Variants in PCDHGA3 observed in about 807,000 individuals in gnomAD.
The protein encoded by PCDHGA3 is protocadherin gamma subfamily A, 3.
PCDHGA3 carries 40 observed loss-of-function variants against 58.5 expected under a neutral mutation model. The ratio of observed to expected loss-of-function variants is 0.68; its 90% confidence interval spans 0.53 to 0.89. The LOEUF is 0.89. Among genes scored for constraint, PCDHGA3 ranks in the 40% least tolerant of loss-of-function variants. The pLI is 0.00. For synonymous variants in PCDHGA3, 530 were observed against 525.7 expected (o/e 1.01, Z -0.11); for missense variants, 1,223 against 1,195.9 (o/e 1.02, Z -0.33).
intron 1 of PCDHGA3, chr5:141,394,953 C>T (rs749925118): frequency 6.2e-7 from 1 of 1,613,886 alleles, no homozygotes; most frequent in Non-Finnish European, 8.5e-7. Context: ...GCTTCTGGGG[C>T]TCAGGCTGAG....
At position 141,485,257 on chromosome 5, in the gene PCDHGA3, T is replaced by G. The variant is rs1251686604; in HGVS notation, c.2425-9550T>G. 1.9e-6 allele frequency: 3 copies of G among 1,614,036 alleles called. No homozygotes were observed. The highest frequency in any genetic ancestry group is 2.5e-6 in the Non-Finnish European group (3 of 1,180,006). ...TCTTTTACCACCTGGGTTACGTTTG[T>G]GGGCAGATCCGCTACCCGGTCCCAG... On this transcript the variant is annotated intron_variant, in intron 1 of 3. Coordinates refer to ENST00000253812, the MANE Select transcript of PCDHGA3 (RefSeq NM_018916.4). The surrounding 1 kb of genome is among the most constrained non-coding windows in gnomAD (Gnocchi z 5.7).
At chr5:141,423,460 G>A in intron 1 of PCDHGA3, 1 of 1,614,046 alleles carries the variant, frequency 6.2e-7, no homozygotes, top group Non-Finnish European at 8.5e-7. Context: ...TGTAGGCGTG[G>A]ACGGGGTACA....
At chr5:141,451,597 C>CAAGG (rs1434393705) in intron 1 of PCDHGA3, among the ~76,000 whole-genome samples, 3 of 152,076 alleles carry the variant, frequency 2.0e-5, no homozygotes, top group Non-Finnish European at 2.9e-5. Flanking sequence ...AAGTGACATA[C>CAAGG]AAGGCTAGGC....
At chr5:141,500,488 C>T (rs569168291) in intron 2 of PCDHGA3, among the ~76,000 whole-genome samples, 4 of 152,178 alleles carry the variant, frequency 2.6e-5, no homozygotes, top group South Asian at 2.1e-4. Flanking sequence ...GGATTACAGG[C>T]GTGAGCCACC....
chr5:141,362,652 A>G, intron 1 of PCDHGA3: 1 of 1,421,164 alleles, frequency 7.0e-7, no homozygotes. Flanking sequence ...TGTGAGTTAG[A>G]TTTGGCCAAT....
chr5:141,361,947 G>A (rs1762247949), intron 1 of PCDHGA3: 7 of 1,604,064 alleles, frequency 4.4e-6, no homozygotes, highest in Non-Finnish European at 5.9e-6. Context: ...ACGCTTGGCT[G>A]TCCTACCACG....
At chr5:141,414,763 C>G in intron 1 of PCDHGA3, 1 of 1,614,258 alleles carries the variant, frequency 6.2e-7, no homozygotes, top group South Asian at 1.1e-5. Flanking sequence ...TGAGCAGTTT[C>G]ATGAGCTACA....
chr5:141,497,111 G>A (rs899232924), intron 2 of PCDHGA3, among the ~76,000 whole-genome samples: 16 of 152,010 alleles, frequency 1.1e-4, no homozygotes, highest in Non-Finnish European at 1.2e-4. Context: ...GCTTGAACCC[G>A]GAAGGCAGAG....
intron 1 of PCDHGA3, chr5:141,365,072 A>G: frequency 6.2e-7 from 1 of 1,613,904 alleles, no homozygotes; most frequent in Middle Eastern, 1.6e-4. Context: ...ATCCGAGTAC[A>G]GCGTGAGTGT....
chr5:141,487,304 C>T lies in PCDHGA3; in HGVS notation c.2425-7503C>T. The T allele has an allele frequency of 6.2e-7, 1 of 1,614,190 alleles. No homozygotes were observed. The highest frequency in any genetic ancestry group is 8.5e-7 in the Non-Finnish European group (1 of 1,180,042). On this transcript the variant is annotated intron_variant, in intron 1 of 3. Transcript: ENST00000253812. This position sits in a 1 kb window ranked among gnomAD's most constrained non-coding sequence, Gnocchi z 5.0. ...TGTCTCCTTTGGCTCATTCGTGGCA[C>T]TACTCTCTAAGTGTCTTCGTGGGGC...
At chr5:141,376,617 G>A (rs1235600949) in intron 1 of PCDHGA3, 24 of 1,406,610 alleles carry the variant, frequency 1.7e-5, no homozygotes, top group Non-Finnish European at 2.2e-5. Context: ...ACCTCTTTTG[G>A]TACAGGAAGA....
In PCDHGA3 at chr5:141,487,259, T is replaced by A. The variant is rs2099641960; in HGVS notation, c.2425-7548T>A. 1.9e-6 allele frequency: 3 copies of A among 1,614,014 alleles called. No individual in the cohort carries two copies. The highest frequency in any genetic ancestry group is 1.3e-5 in the African/African-American group (1 of 74,926). ...TCGTCTAACCCTCTACTTGGCTGTGTCCCTAGTGGCAATTTGCTTTGTCTC... is the reference window on the plus strand; with the variant it reads ...TCGTCTAACCCTCTACTTGGCTGTGACCCTAGTGGCAATTTGCTTTGTCTC... On this transcript the variant is annotated intron_variant, in intron 1 of 3. Coordinates refer to ENST00000253812, the MANE Select transcript of PCDHGA3 (RefSeq NM_018916.4). The surrounding 1 kb of genome is among the most constrained non-coding windows in gnomAD (Gnocchi z 5.0).
In PCDHGA3 at chr5:141,431,028, T is replaced by C. The variant is rs367575636; in HGVS notation, c.2425-63779T>C. On this transcript the variant is annotated intron_variant, in intron 1 of 3. Transcript: ENST00000253812. This position sits in a 1 kb window ranked among gnomAD's most constrained non-coding sequence, Gnocchi z 4.8. ...GGCAGCTTGGTCACGGCGGGCAGGA[T>C]AGACCGGGAGGAGCTCTGTATGGGG... The C allele has an allele frequency of 6.2e-7, 1 of 1,613,986 alleles. No homozygotes were observed. Among genetic ancestry groups the C allele is most frequent in the Admixed American group, 1.7e-5 (1 of 60,022 alleles).
chr5:141,464,419 A>C (rs2099083824), intron 1 of PCDHGA3, among the ~76,000 whole-genome samples: 1 of 151,658 alleles, frequency 6.6e-6, no homozygotes, highest in Non-Finnish European at 1.5e-5. Flanking sequence ...ATATATCTAT[A>C]TATATAGATA....
At chr5:141,442,309 G>C (rs1483682583) in intron 1 of PCDHGA3, 1 of 152,418 alleles carries the variant, frequency 6.6e-6, no homozygotes, top group Non-Finnish European at 1.5e-5. Flanking sequence ...TCTTTCCCAC[G>C]GATGTCTATC....
chr5:141,431,960 T>C lies in PCDHGA3; in HGVS notation c.2425-62847T>C. On this transcript the variant is annotated intron_variant, in intron 1 of 3. Transcript: ENST00000253812. This position sits in a 1 kb window ranked among gnomAD's most constrained non-coding sequence, Gnocchi z 4.8. ...TAAATTAGAAAAATCTTACGGAAAT[T>C]ACTATAGTTTAGTCACAGACATAGT... The C allele has an allele frequency of 3.7e-6, 6 of 1,614,166 alleles. No individual in the cohort carries two copies. Among genetic ancestry groups the C allele is most frequent in the Non-Finnish European group, 5.1e-6 (6 of 1,180,034 alleles).
At chr5:141,405,596 A>T (rs1024672340) in intron 1 of PCDHGA3, 2 of 578,622 alleles carry the variant, frequency 3.5e-6, no homozygotes, top group Admixed American at 6.3e-5. Flanking sequence ...AGGCCTCCCA[A>T]GTAGAATAAC....
Position 141,415,142 on chromosome 5 carries a change from C to A in PCDHGA3, c.2424+68685C>A, listed in dbSNP as rs757516335. On this transcript the variant is annotated intron_variant, in intron 1 of 3. Coordinates refer to ENST00000253812, the MANE Select transcript of PCDHGA3 (RefSeq NM_018916.4). The stretch of plus-strand genomic sequence containing the variant: ...GTGGCCGTCCAGGACCACGGCCAGC[C>A]CCCTCTCTCCGCCACTGTCACGCTC... 10 of 1,613,732 alleles carry A rather than the reference C, an allele frequency of 6.2e-6. 1 individual carries two copies. In the South Asian group the frequency reaches 1.1e-4, roughly 18 times the overall value.
At chr5:141,362,136 C>G in intron 1 of PCDHGA3, 1 of 1,614,042 alleles carries the variant, frequency 6.2e-7, no homozygotes, top group African/African-American at 1.3e-5. Context: ...TCGCGGATAG[C>G]CTGCAAGAGG....
Sources: gnomAD v4.1 joint callset for allele counts (sites outside exome capture counted in the v4.1 genomes callset) on GRCh38, gnomAD v4.1.1 for gene constraint, Gnocchi (gnomAD v3.1) non-coding constraint, MANE v1.5 for transcripts, NCBI Gene and HGNC (gene_info 2026-07-23, HGNC 2026-07-21) for gene names.